Variants in RUNX2 observed in about 807,000 individuals in gnomAD.
The protein encoded by RUNX2 is runt-related transcription factor 2.
In RUNX2, 10 loss-of-function variants were observed where a neutral mutation model predicts 51.7. The observed-to-expected ratio is 0.19, with a 90% CI of 0.12 to 0.33. The LOEUF (loss-of-function observed/expected upper bound fraction) is 0.33. Ranked by LOEUF, RUNX2 falls within the 10% of genes least tolerant of loss-of-function variation. The pLI, the probability that RUNX2 is intolerant of heterozygous loss-of-function variation, is 1.00. For missense variants in RUNX2, 562 were observed against 691.3 expected, an observed-to-expected ratio of 0.81 and a Z score of 2.10; for synonymous variants, 276 against 273.6, an observed-to-expected ratio of 1.01 and a Z score of -0.09.
intron 2 of RUNX2, among the ~76,000 whole-genome samples, chr6:45,395,915 C>T (rs1425649949): frequency 1.3e-5 from 2 of 152,170 alleles, no homozygotes; most frequent in Non-Finnish European, 2.9e-5. Flanking sequence ...ATCCACTGGC[C>T]TCGGCCTCCC....
At chr6:45,525,968 G>A (rs1291247730) in intron 7 of RUNX2, among the ~76,000 whole-genome samples, 1 of 151,764 alleles carries the variant, frequency 6.6e-6, no homozygotes, top group African/African-American at 2.4e-5. Context: ...CCCCAGCCTG[G>A]GTGACAGAGA....
chr6:45,474,668 T>C (rs934144861), intron 5 of RUNX2, among the ~76,000 whole-genome samples: 1 of 152,138 alleles, frequency 6.6e-6, no homozygotes, highest in African/African-American at 2.4e-5. Flanking sequence ...AGATGTTGAG[T>C]CCAGCTTTTC....
At chr6:45,475,128 A>AG (rs1448830372) in intron 5 of RUNX2, among the ~76,000 whole-genome samples, 1 of 151,872 alleles carries the variant, frequency 6.6e-6, no homozygotes, top group East Asian at 1.9e-4. Flanking sequence ...CATCTTAAAA[A>AG]AAAAAAAAAA....
At chr6:45,403,523 G>A (rs768938040) in intron 2 of RUNX2, among the ~76,000 whole-genome samples, 8 of 152,162 alleles carry the variant, frequency 5.3e-5, no homozygotes, top group Non-Finnish European at 8.8e-5. Flanking sequence ...GTGAGCCACT[G>A]CGCCTGGCCT....
At chr6:45,545,129 C>T in intron 7 of RUNX2, 88 bp from the exon 8 acceptor site, 11 of 1,077,898 alleles carry the variant, frequency 1.0e-5, no homozygotes, top group Non-Finnish European at 1.5e-5. Flanking sequence ...TCCCCTAAGG[C>T]TGTTGCTTCT....
intron 2 of RUNX2, among the ~76,000 whole-genome samples, chr6:45,390,461 C>G (rs972132960): frequency 3.3e-5 from 5 of 152,108 alleles, no homozygotes; most frequent in Non-Finnish European, 7.3e-5. Context: ...ATAAAAGGAT[C>G]GTTTGCTTTA....
chr6:45,403,446 T>A (rs1460983421), intron 2 of RUNX2, among the ~76,000 whole-genome samples: 1 of 152,120 alleles, frequency 6.6e-6, no homozygotes, highest in Non-Finnish European at 1.5e-5. Flanking sequence ...TTGGTCAGGC[T>A]GGTCTCGAAC....
intron 2 of RUNX2, among the ~76,000 whole-genome samples, chr6:45,378,131 G>A (rs1797082398): frequency 6.6e-6 from 1 of 152,236 alleles, no homozygotes; most frequent in Non-Finnish European, 1.5e-5. Flanking sequence ...GGGGCGTTGT[G>A]CGCGGCCTTC....
At chr6:45,541,410 G>A (rs925302520) in intron 7 of RUNX2, among the ~76,000 whole-genome samples, 2 of 152,088 alleles carry the variant, frequency 1.3e-5, no homozygotes, top group African/African-American at 2.4e-5. Context: ...CAGCCAAAAC[G>A]TTTAAAAGGG....
rs1798255368 is a variant in RUNX2 at position 45,422,805 on chromosome 6, C to T, written c.271C>T (p.Pro91Ser). 1.9e-6 allele frequency: 3 copies of T among 1,582,768 alleles called. No individual in the cohort carries two copies. The highest frequency in any genetic ancestry group is 1.7e-6 in the Non-Finnish European group (2 of 1,168,694). Residue 91 changes from proline to serine, a missense_variant, in exon 3 of 9, where the codon CCC (proline) becomes TCC (serine). Transcript: ENST00000647337. ...GGCTGCGGCGGCGGCAGCTGCAGTG[C>T]CCCGGTTGCGGCCGCCCCACGACAA... is the stretch of plus-strand genomic sequence containing the variant. ...AAAAAAAAAV[P>S]RLRPPHDNRT...
intron 4 of RUNX2, among the ~76,000 whole-genome samples, chr6:45,435,882 T>G (rs1798671744): frequency 6.6e-6 from 1 of 152,206 alleles, no homozygotes; most frequent in African/African-American, 2.4e-5. Flanking sequence ...GAGATTCAGC[T>G]CTTTTACTTT....
At chr6:45,388,946 T>G (rs1232145748) in intron 2 of RUNX2, among the ~76,000 whole-genome samples, 1 of 152,244 alleles carries the variant, frequency 6.6e-6, no homozygotes, top group African/African-American at 2.4e-5. Flanking sequence ...TCTCAAATTA[T>G]GCTCCAGCAC....
rs538203061 is a variant in RUNX2 at position 45,450,427 on chromosome 6, C to G, written c.685+12376C>G. Among the ~76,000 whole-genome samples the G allele has an allele frequency of 4.6e-5, 7 of 152,312 alleles. No homozygotes were observed. In the South Asian group the frequency reaches 1.2e-3, roughly 27 times the overall value. On this transcript the variant is annotated intron_variant, in intron 5 of 8. Coordinates refer to ENST00000647337, the MANE Select transcript of RUNX2 (RefSeq NM_001024630.4). ...TCATTCAAAAAATTACTTTTGAGTG[C>G]TTACTGTTAGCCAGGTGCCAGGCAG...
chr6:45,448,811 C>A (rs1236039534), intron 5 of RUNX2, among the ~76,000 whole-genome samples: 1 of 152,104 alleles, frequency 6.6e-6, no homozygotes, highest in Non-Finnish European at 1.5e-5. Context: ...CCTTATGCCT[C>A]CTTAGGATTG....
chr6:45,492,022 G>A lies in RUNX2; in HGVS notation c.767G>A (p.Ser256Asn). 4 of 1,613,938 alleles carry A rather than the reference G, an allele frequency of 2.5e-6. No individual in the cohort carries two copies. Among genetic ancestry groups the A allele is most frequent in the Non-Finnish European group, 2.5e-6 (3 of 1,179,936 alleles). ...GATTTAGGGCGCATTCCTCATCCCA[G>A]TATGAGAGTAGGTGTCCCGCCTCAG... ...LSDLGRIPHP[S>N]MRVGVPPQNP... The change falls in exon 6 of 9, where the codon AGT becomes AAT. Residue 256 changes from serine (S) to asparagine (N), a missense_variant. Physicochemically the swap from Ser to Asn is conservative, Grantham distance 46 (BLOSUM62 1). This residue lies in a region of RUNX2 where 304 missense variants were observed against 353.2 expected (regional missense o/e 0.86). Transcript: ENST00000647337.
Position 45,549,163 on chromosome 6 carries a change from C to T in RUNX2, c.*1858C>T, listed in dbSNP as rs1802492489. 2 of 398,434 alleles carry T rather than the reference C, an allele frequency of 5.0e-6. No individual in the cohort carries two copies. The highest frequency in any genetic ancestry group is 8.8e-6 in the Non-Finnish European group (2 of 226,066). The allele number at this position is 398,434 out of a possible 1,614,324, so 24.7% of individuals were successfully genotyped here. A position where few individuals can be genotyped will look rare whatever the true frequency, so the allele number is the denominator to read the frequency against. On this transcript the variant is annotated 3_prime_UTR_variant, in exon 9 of 9. Transcript: ENST00000647337. ...TCCAAGTGCAAATCCTTAATCCAAA[C>T]AAGGATCATCTAATGACACCACCAG... is the stretch of plus-strand genomic sequence containing the variant.
chr6:45,353,255 T>C (rs1792444468), intron 2 of RUNX2, among the ~76,000 whole-genome samples: 1 of 152,004 alleles, frequency 6.6e-6, no homozygotes, highest in Non-Finnish European at 1.5e-5. Context: ...TACTTAAAAT[T>C]TGCACTTAGA....
At chr6:45,499,055 A>G (rs1460497348) in intron 6 of RUNX2, among the ~76,000 whole-genome samples, 1 of 152,156 alleles carries the variant, frequency 6.6e-6, no homozygotes, top group Non-Finnish European at 1.5e-5. Flanking sequence ...CAGTGTGGGT[A>G]TGGAGGAGAG....
chr6:45,435,756 T>C (rs553388148), intron 4 of RUNX2, among the ~76,000 whole-genome samples: 3 of 152,326 alleles, frequency 2.0e-5, no homozygotes, highest in Non-Finnish European at 4.4e-5. Context: ...GAAAACTGAC[T>C]CTGAAACACA....
Sources: gnomAD v4.1 joint callset for allele counts (sites outside exome capture counted in the v4.1 genomes callset) on GRCh38, gnomAD v4.1.1 for gene constraint, gnomAD v4.1.1 regional missense constraint, MANE v1.5 for transcripts, NCBI Gene and HGNC (gene_info 2026-07-23, HGNC 2026-07-21) for gene names.